MCM3AP: variants seen among roughly 807,000 people sequenced by gnomAD.
MCM3AP encodes germinal-center associated nuclear protein.
A neutral mutation model predicts 184.1 loss-of-function variants in MCM3AP; 126 were observed. The ratio of observed to expected loss-of-function variants is 0.68; its 90% confidence interval spans 0.59 to 0.79. The LOEUF is 0.79. Ranked by LOEUF, MCM3AP falls within the 30% of genes least tolerant of loss-of-function variation. The probability of loss-of-function intolerance (pLI) is 0.00; values close to 1 mark genes in which losing one functional copy is unlikely to be tolerated. For missense variants in MCM3AP, 2,496 were observed against 2,479.2 expected (o/e 1.01, Z -0.14); for synonymous variants, 1,002 against 979.3 (o/e 1.02, Z -0.43).
In MCM3AP at chr21:46,273,595, T is replaced by C. The variant is rs776240280; in HGVS notation, c.1999-10A>G. ...CTGCTGCGTGGTCCACCTAGAGACA[T>C]GAAGCCGAGACAGGATGCCCATGTG... On this transcript the variant is annotated splice_polypyrimidine_tract_variant and intron_variant, in intron 6 of 27. Transcript: ENST00000291688. 6.2e-7 allele frequency: 1 copy of C among 1,612,414 alleles called. No individual in the cohort carries two copies. Among genetic ancestry groups the C allele is most frequent in the Admixed American group, 1.7e-5 (1 of 59,984 alleles).
At position 46,285,224 on chromosome 21, in the gene MCM3AP, A is replaced by G. The variant is rs750691879; in HGVS notation, c.63T>C (p.Asn21=). Residue 21 remains asparagine (N), a synonymous_variant, in exon 1 of 28, where the codon AAT becomes AAC. Transcript: ENST00000291688. The part of the protein sequence containing the change: ...QPSAFSASSS[N]VGTLPSKPPF... ...GCGGCTTAGATGGAAGTGTTCCTACATTACTAGAAGACGCCGAAAAAGCAC... is the reference window on the plus strand; with the variant it reads ...GCGGCTTAGATGGAAGTGTTCCTACGTTACTAGAAGACGCCGAAAAAGCAC... 6.2e-7 allele frequency: 1 copy of G among 1,614,258 alleles called. No individual in the cohort carries two copies. Among genetic ancestry groups the G allele is most frequent in the Admixed American group, 1.7e-5 (1 of 60,034 alleles).
intron 1 of MCM3AP, 106 bp from the exon 2 acceptor site, chr21:46,283,944 A>G (rs546052330): frequency 6.5e-7 from 1 of 1,543,972 alleles, no homozygotes. Flanking sequence ...ACCTGCTCCG[A>G]TGACATGTTA....
chr21:46,275,368 A>T (rs1480425504), intron 5 of MCM3AP, 43 bp from the exon 6 acceptor site: 5 of 1,560,796 alleles, frequency 3.2e-6, no homozygotes, highest in Non-Finnish European at 4.4e-6. Context: ...CCACATGGTT[A>T]GCACGAACCT....
intron 19 of MCM3AP, 199 bp from the exon 20 acceptor site, chr21:46,251,881 C>CT (rs754670172): frequency 0.11 from 14,173 of 127,048 alleles, 1,179 homozygotes; most frequent in Non-Finnish European, 0.15. Flanking sequence ...TGTACTCGTT[C>CT]TTTTTTTTTT....
At chr21:46,278,856 G>A (rs1471194444) in intron 4 of MCM3AP, among the ~76,000 whole-genome samples, 4 of 151,794 alleles carry the variant, frequency 2.6e-5, no homozygotes, top group African/African-American at 9.7e-5. Context: ...TGTATTTTTA[G>A]TAGAGATGGG....
Position 46,277,514 on chromosome 21 carries a change from C to T in MCM3AP, c.1858+13G>A. On this transcript the variant is annotated intron_variant, in intron 5 of 27. Transcript: ENST00000291688. ...CACCAGGCCCCTAGAACCTCTGCCA[C>T]CAAGTGCCATACCTTGCCGCATGAT... The T allele has an allele frequency of 1.3e-6, 2 of 1,529,724 alleles. No individual in the cohort carries two copies. The highest frequency in any genetic ancestry group is 1.8e-6 in the Non-Finnish European group (2 of 1,136,136). The allele number at this position is 1,529,724 out of a possible 1,614,324, so 94.8% of individuals were successfully genotyped here.
In MCM3AP at chr21:46,264,149, A is replaced by G. The variant is rs145203960; in HGVS notation, c.3303T>C (p.Ser1101=). 5.5e-5 allele frequency: 88 copies of G among 1,613,990 alleles called. No individual in the cohort carries two copies. The African/African-American group carries it at 1.0e-3, about 18-fold the overall frequency. ...ALQRDCEEVG[S]AGAAYAAAAL... ...CGGCAGCTGCGTAGGCAGCACCCGC[A>G]GAGCCAACTTCCTCACAGTCCCTCT... is the stretch of plus-strand genomic sequence containing the variant. The change falls in exon 13 of 28, where the codon TCT becomes TCC. Residue 1101 remains serine (S), a synonymous_variant. Transcript: ENST00000291688.
intron 13 of MCM3AP, among the ~76,000 whole-genome samples, chr21:46,262,573 A>T (rs1253593187): frequency 6.6e-6 from 1 of 151,904 alleles, no homozygotes; most frequent in East Asian, 1.9e-4. Context: ...GCTTGAGCCT[A>T]GAAGATCAAG....
At chr21:46,264,322 C>A (rs2081079818) in intron 12 of MCM3AP, 105 bp from the exon 13 acceptor site, 1 of 683,964 alleles carries the variant, frequency 1.5e-6, no homozygotes, top group South Asian at 1.8e-5. Flanking sequence ...GTGACAGAAG[C>A]ACAACCCCTG....
chr21:46,256,386 G>C (rs1180839264), intron 17 of MCM3AP: 2 of 193,710 alleles, frequency 1.0e-5, no homozygotes, highest in Non-Finnish European at 1.1e-5. Flanking sequence ...GTGTGAAGGA[G>C]ACGGCGGGAG....
At position 46,284,227 on chromosome 21, in the gene MCM3AP, G is replaced by T; in HGVS notation, c.1060C>A (p.Arg354Ser). The T allele has an allele frequency of 6.2e-7, 1 of 1,614,146 alleles. No homozygotes were observed. Among genetic ancestry groups the T allele is most frequent in the Non-Finnish European group, 8.5e-7 (1 of 1,180,028 alleles). ...DVFKSNKEVG[R>S]LGNKEAKKET... ...TTTTTGGCCTCCTTGTTGCCCAGAC[G>T]ACCTACTTCCTTATTGCTTTTGAAA... Residue 354 changes from arginine to serine, a missense_variant, in exon 1 of 28, where the codon CGT becomes AGT. By Grantham distance (110) the Arg-to-Ser change is moderately radical. Around this residue, in one of 5 missense-constraint regions of MCM3AP, gnomAD observed 800 missense variants for 717.1 expected, o/e 1.12. Transcript: ENST00000291688.
In MCM3AP at chr21:46,273,447, C is replaced by T; in HGVS notation, c.2137G>A (p.Glu713Lys). Residue 713 changes from glutamate (E) to lysine (K), a missense_variant, in exon 7 of 28, where the codon GAG becomes AAG. Glu to Lys is a moderately conservative substitution (Grantham distance 56). Transcript: ENST00000291688. ...TCATACCAATCCCGCAGGCTGCCCT[C>T]CTTCTGGTCCATGATCTGGGTCACC... is the stretch of plus-strand genomic sequence containing the variant. ...YLVTQIMDQK[E>K]GSLRDWYDFV... 1 of 1,614,038 alleles carries T rather than the reference C, an allele frequency of 6.2e-7. No individual in the cohort carries two copies. Among genetic ancestry groups the T allele is most frequent in the Non-Finnish European group, 8.5e-7 (1 of 1,179,878 alleles).
chr21:46,256,439 C>A, intron 17 of MCM3AP: 1 of 300,002 alleles, frequency 3.3e-6, no homozygotes, highest in Non-Finnish European at 6.4e-6. Context: ...AGACACAGGC[C>A]AGCGTGGACC....
Position 46,260,878 on chromosome 21 carries a change from T to G in MCM3AP, c.3496A>C (p.Ser1166Arg). Reference protein sequence around the residue: ...RLKQERELVLSELSQGLAVEL... With the variant: ...RLKQERELVLRELSQGLAVEL... ...ACGGCCAGGCCCTGGCTCAGCTCACTTAACACCAGCTCTCTCTCTTGTTTC... is the reference window on the plus strand; with the variant it reads ...ACGGCCAGGCCCTGGCTCAGCTCACGTAACACCAGCTCTCTCTCTTGTTTC... The change falls in exon 15 of 28, where the codon AGT becomes CGT. Residue 1166 changes from serine (S) to arginine (R), a missense_variant. Transcript: ENST00000291688. 6.2e-7 allele frequency: 1 copy of G among 1,613,902 alleles called. No individual in the cohort carries two copies. The highest frequency in any genetic ancestry group is 8.5e-7 in the Non-Finnish European group (1 of 1,179,752).
At chr21:46,237,056 A>T in intron 26 of MCM3AP, 77 bp from the exon 27 acceptor site, 1 of 740,448 alleles carries the variant, frequency 1.4e-6, no homozygotes, top group Non-Finnish European at 1.9e-6. Context: ...TTCTATATAT[A>T]CTTAAAAACT....
rs1360008365 is a variant in MCM3AP at position 46,261,025 on chromosome 21, A to T, written c.3468-119T>A. Reference sequence around the variant, plus strand: ...GGTGTGCTGCCTGAGTCGGTAGGCCACCCCTACTCCAGCTCCCCTGACACC... The same window carrying T: ...GGTGTGCTGCCTGAGTCGGTAGGCCTCCCCTACTCCAGCTCCCCTGACACC... On this transcript the variant is annotated intron_variant, in intron 14 of 27. Coordinates refer to ENST00000291688, the MANE Select transcript of MCM3AP (RefSeq NM_003906.5). 6.8e-6 allele frequency: 6 copies of T among 875,936 alleles called. No homozygotes were observed. The African/African-American group carries it at 9.9e-5, about 14-fold the overall frequency. 54.3% of individuals were successfully genotyped at this position (875,936 alleles called of 1,614,324 possible). A position where few individuals can be genotyped will look rare whatever the true frequency, so the allele number is the denominator to read the frequency against.
At chr21:46,273,162 A>ATG (rs2145696963) in intron 7 of MCM3AP, among the ~76,000 whole-genome samples, 2 of 152,172 alleles carry the variant, frequency 1.3e-5, no homozygotes, top group South Asian at 4.1e-4. Context: ...TTCAGTAGAG[A>ATG]TGGGGTTTAA....
At chr21:46,262,518 T>G (rs2081053186) in intron 13 of MCM3AP, among the ~76,000 whole-genome samples, 1 of 151,946 alleles carries the variant, frequency 6.6e-6, no homozygotes, top group African/African-American at 2.4e-5. Context: ...TATGGTAGCA[T>G]GCGCCTGTGG....
chr21:46,248,467 T>C (rs1368452684), intron 20 of MCM3AP, among the ~76,000 whole-genome samples: 1 of 152,216 alleles, frequency 6.6e-6, no homozygotes, highest in Non-Finnish European at 1.5e-5. Context: ...AAAGCCTGGC[T>C]TGCCATTTAG....
Sources: allele counts gnomAD v4.1 joint callset (sites outside exome capture counted in the v4.1 genomes callset), GRCh38; gene constraint gnomAD v4.1.1; regional missense constraint gnomAD v4.1.1; transcripts MANE v1.5; gene names NCBI Gene and HGNC (gene_info 2026-07-23, HGNC 2026-07-21).